The following A4GALT variants were observed in gnomAD, a reference collection of about 807,000 sequenced individuals.
The protein encoded by A4GALT is lactosylceramide 4-alpha-galactosyltransferase.
For missense variants in A4GALT, 512 were observed against 486.0 expected (o/e 1.05, Z -0.50); for synonymous variants, 257 against 220.7 (o/e 1.16, Z -1.46).
chr22:42,716,299 T>A (rs1421384801), intron 1 of A4GALT, among the ~76,000 whole-genome samples: 1 of 152,140 alleles, frequency 6.6e-6, no homozygotes, highest in Admixed American at 6.6e-5. Context: ...GCAAATGTGA[T>A]CTCACTGTTG....
rs1922677058 is a variant in A4GALT at position 42,720,864 on chromosome 22, G to A, written c.-255C>T. 1 of 149,120 alleles carries A rather than the reference G, an allele frequency of 6.7e-6. No homozygotes were observed. The allele number at this position is 149,120 out of a possible 1,614,324, so 9.2% of individuals were successfully genotyped here. On this transcript the variant is annotated 5_prime_UTR_variant, in exon 1 of 3. Coordinates refer to ENST00000642412, the MANE Select transcript of A4GALT (RefSeq NM_017436.7). ...GCGGGCGGGCGGCGCGGCGGCCGGA[G>A]GGCAGTGCCTGGGGCCCGGCGGGAG... is the stretch of plus-strand genomic sequence containing the variant.
At chr22:42,711,274 G>A (rs1921668998) in intron 1 of A4GALT, among the ~76,000 whole-genome samples, 1 of 152,170 alleles carries the variant, frequency 6.6e-6, no homozygotes, top group Non-Finnish European at 1.5e-5. Context: ...TCACATATCA[G>A]ATCAGCAAAA....
At chr22:42,703,215 A>C (rs971333802) in intron 1 of A4GALT, among the ~76,000 whole-genome samples, 1 of 151,410 alleles carries the variant, frequency 6.6e-6, no homozygotes, top group Admixed American at 6.6e-5. Context: ...ACATGTATTA[A>C]ATAAATAAGT....
intron 1 of A4GALT, among the ~76,000 whole-genome samples, chr22:42,705,241 A>C (rs1337025902): frequency 6.6e-6 from 1 of 152,224 alleles, no homozygotes; most frequent in Non-Finnish European, 1.5e-5. Context: ...TAAAGGCATA[A>C]AACAAAATGG....
At chr22:42,720,309 G>T (rs912437298) in intron 1 of A4GALT, among the ~76,000 whole-genome samples, 1 of 80,804 alleles carries the variant, frequency 1.2e-5, no homozygotes, top group Non-Finnish European at 2.7e-5. Flanking sequence ...CTGCCAGCCC[G>T]GCAGAGCCCC....
rs545810861 is a variant in A4GALT at position 42,706,189 on chromosome 22, A to C, written c.-187-10558T>G. On this transcript the variant is annotated intron_variant, in intron 1 of 2. Transcript: ENST00000642412. Reference sequence around the variant, plus strand: ...GCTAACACGGTGAAACCCCGTCTCTACTAAAAATACAAAAAATTAGCCAGG... The same window carrying C: ...GCTAACACGGTGAAACCCCGTCTCTCCTAAAAATACAAAAAATTAGCCAGG... 5.1e-5 allele frequency among the ~76,000 whole-genome samples: 7 copies of C among 137,626 alleles called. 1 individual carries two copies. Among genetic ancestry groups the C allele is most frequent in the East Asian group, 2.1e-4 (1 of 4,750 alleles). The allele number at this position is 137,626 out of a possible 152,430, so 90.3% of individuals were successfully genotyped here.
chr22:42,699,670 C>T (rs966220951), intron 1 of A4GALT, among the ~76,000 whole-genome samples: 2 of 152,286 alleles, frequency 1.3e-5, no homozygotes, highest in Non-Finnish European at 2.9e-5. Flanking sequence ...ACAGGGGCCT[C>T]GGCCAGTCCC....
chr22:42,703,348 C>T (rs552505303), intron 1 of A4GALT, among the ~76,000 whole-genome samples: 26 of 151,272 alleles, frequency 1.7e-4, no homozygotes, highest in Non-Finnish European at 3.7e-4. Flanking sequence ...CTCTGCCACC[C>T]GGGTTCAAGT....
At chr22:42,720,550 C>T (rs1922631975) in intron 1 of A4GALT, among the ~76,000 whole-genome samples, 1 of 152,060 alleles carries the variant, frequency 6.6e-6, no homozygotes, top group Non-Finnish European at 1.5e-5. Flanking sequence ...CCGCGAGGGC[C>T]GGGGCTCCGG....
chr22:42,716,059 C>T (rs1474296232), intron 1 of A4GALT, among the ~76,000 whole-genome samples: 1 of 151,758 alleles, frequency 6.6e-6, no homozygotes, highest in Non-Finnish European at 1.5e-5. Context: ...CTCGAACTCC[C>T]GACCTCAGGT....
chr22:42,717,513 C>A (rs1922297687), intron 1 of A4GALT, among the ~76,000 whole-genome samples: 1 of 152,156 alleles, frequency 6.6e-6, no homozygotes, highest in African/African-American at 2.4e-5. Flanking sequence ...CCTGTCCTCA[C>A]CAGCCCGGGA....
chr22:42,700,621 G>T (rs1295232193), intron 1 of A4GALT, among the ~76,000 whole-genome samples: 1 of 152,222 alleles, frequency 6.6e-6, no homozygotes, highest in Non-Finnish European at 1.5e-5. Flanking sequence ...CCCCTGAGGT[G>T]TAAGACACCA....
intron 1 of A4GALT, among the ~76,000 whole-genome samples, chr22:42,696,614 A>G (rs135107): frequency 0.21 from 31,747 of 151,526 alleles, 3,693 homozygotes; most frequent in African/African-American, 0.31. Flanking sequence ...GCACCCAGCT[A>G]GGTTCCCAGC....
At chr22:42,717,037 G>A (rs957058730) in intron 1 of A4GALT, among the ~76,000 whole-genome samples, 7 of 152,130 alleles carry the variant, frequency 4.6e-5, no homozygotes, top group African/African-American at 1.4e-4. Context: ...TGACAGTGCG[G>A]GCACAGGGGA....
chr22:42,695,881 A>G (rs1383963592), intron 1 of A4GALT, among the ~76,000 whole-genome samples: 1 of 151,890 alleles, frequency 6.6e-6, no homozygotes, highest in Admixed American at 6.6e-5. Flanking sequence ...GAAACAGACA[A>G]AGAGGCCAGG....
At chr22:42,712,344 C>G (rs1921770499) in intron 1 of A4GALT, among the ~76,000 whole-genome samples, 1 of 152,222 alleles carries the variant, frequency 6.6e-6, no homozygotes, top group African/African-American at 2.4e-5. Context: ...GACACACGCA[C>G]ATGCACACGT....
Position 42,693,285 on chromosome 22 carries a change from A to G in A4GALT, c.667T>C (p.Phe223Leu). 1.9e-6 allele frequency: 3 copies of G among 1,613,052 alleles called. No homozygotes were observed. The highest frequency in any genetic ancestry group is 2.5e-6 in the Non-Finnish European group (3 of 1,179,958). Residue 223 changes from phenylalanine to leucine, a missense_variant, in exon 3 of 3, where the codon TTC becomes CTC. Phe to Leu is a conservative substitution (Grantham distance 22). Coordinates refer to ENST00000642412, the MANE Select transcript of A4GALT (RefSeq NM_017436.7). ...RYVLNGAFLAFERRHEFMALC... is the reference protein window; with the variant it reads ...RYVLNGAFLALERRHEFMALC... The stretch of plus-strand genomic sequence containing the variant: ...GCCATGAACTCGTGCCGGCGCTCGA[A>G]GGCCAGGAACGCGCCGTTGAGGACG...
chr22:42,693,037 C>G lies in A4GALT; in HGVS notation c.915G>C (p.Pro305=), dbSNP rs769044799. 6.2e-7 allele frequency: 1 copy of G among 1,612,630 alleles called. No individual in the cohort carries two copies. Among genetic ancestry groups the G allele is most frequent in the Non-Finnish European group, 8.5e-7 (1 of 1,179,018 alleles). Residue 305 remains proline, a synonymous_variant, in exon 3 of 3, where the codon CCG becomes CCC. Coordinates refer to ENST00000642412, the MANE Select transcript of A4GALT (RefSeq NM_017436.7). Reference sequence around the variant, plus strand: ...CAGCATAGGTGGCACTGAGCAGCCGCGGCAGCTCCTCGGGGTTGATGTCCT... The same window carrying G: ...CAGCATAGGTGGCACTGAGCAGCCGGGGCAGCTCCTCGGGGTTGATGTCCT... The part of the protein sequence containing the change: ...YFEDINPEEL[P]RLLSATYAVH...
At chr22:42,709,457 A>T (rs1345640854) in intron 1 of A4GALT, among the ~76,000 whole-genome samples, 1 of 152,182 alleles carries the variant, frequency 6.6e-6, no homozygotes, top group East Asian at 1.9e-4. Context: ...GTAAAAATCC[A>T]AAATAAAATA....
Sources: allele counts gnomAD v4.1 joint callset (sites outside exome capture counted in the v4.1 genomes callset), GRCh38; gene constraint gnomAD v4.1.1; transcripts MANE v1.5; gene names NCBI Gene and HGNC (gene_info 2026-07-23, HGNC 2026-07-21).